The following CMIP variants were observed in gnomAD, a reference collection of about 807,000 sequenced individuals.
CMIP encodes C-Maf-inducing protein.
CMIP carries 13 observed loss-of-function variants against 97.3 expected under a neutral mutation model. The ratio of observed to expected loss-of-function variants is 0.13; its 90% CI spans 0.09 to 0.21. The LOEUF (loss-of-function observed/expected upper bound fraction) is 0.21. Among genes scored for constraint, CMIP ranks in the 10% least tolerant of loss-of-function variants. The probability of loss-of-function intolerance (pLI) is 1.00; values close to 1 mark genes in which losing one functional copy is unlikely to be tolerated. For synonymous variants in CMIP, 538 were observed against 436.3 expected, an observed-to-expected ratio of 1.23 and a Z score of -2.91; for missense variants, 847 against 1,024.9, an observed-to-expected ratio of 0.83 and a Z score of 2.37.
intron 13 of CMIP, among the ~76,000 whole-genome samples, chr16:81,695,283 A>T (rs1906584187): frequency 6.6e-6 from 1 of 152,156 alleles, no homozygotes; most frequent in Non-Finnish European, 1.5e-5. Context: ...TCTCCTTCCT[A>T]AATGAAGCCA....
intron 3 of CMIP, among the ~76,000 whole-genome samples, chr16:81,622,926 A>C (rs1423259049): frequency 6.6e-6 from 1 of 152,254 alleles, no homozygotes; most frequent in East Asian, 1.9e-4. Flanking sequence ...AGGATTGGCC[A>C]GGTGTGGTGG....
chr16:81,630,000 A>C (rs2092132150), intron 3 of CMIP, among the ~76,000 whole-genome samples: 1 of 152,166 alleles, frequency 6.6e-6, no homozygotes, highest in Non-Finnish European at 1.5e-5. Flanking sequence ...ACCACCTATT[A>C]CCTATTTGCT....
At chr16:81,586,301 A>G (rs1224372718) in intron 1 of CMIP, among the ~76,000 whole-genome samples, 1 of 152,192 alleles carries the variant, frequency 6.6e-6, no homozygotes, top group African/African-American at 2.4e-5. Context: ...TTACTGTAGT[A>G]GAGGCGTGAT....
intron 1 of CMIP, among the ~76,000 whole-genome samples, chr16:81,542,954 G>A (rs989870993): frequency 6.6e-6 from 1 of 152,240 alleles, no homozygotes; most frequent in Non-Finnish European, 1.5e-5. Context: ...GCAGTATGTA[G>A]CTTGACTTGT....
At chr16:81,460,891 C>G (rs1452919635) in intron 1 of CMIP, among the ~76,000 whole-genome samples, 4 of 152,166 alleles carry the variant, frequency 2.6e-5, no homozygotes, top group Admixed American at 2.0e-4. Context: ...CCACTGTGGC[C>G]TTGTTGTGAA....
At chr16:81,529,621 C>T (rs1004900568) in intron 1 of CMIP, among the ~76,000 whole-genome samples, 1 of 152,160 alleles carries the variant, frequency 6.6e-6, no homozygotes, top group African/African-American at 2.4e-5. Flanking sequence ...GGGAGGTTAC[C>T]CTGGATTATC....
rs1907424576 is a variant in CMIP, at chr16:81,701,690, A to G, written c.1786A>G (p.Ile596Val). 4 of 1,613,900 alleles carry G rather than the reference A, an allele frequency of 2.5e-6. No individual in the cohort carries two copies. Among genetic ancestry groups the G allele is most frequent in the Non-Finnish European group, 3.4e-6 (4 of 1,179,894 alleles). Residue 596 changes from isoleucine to valine, a missense_variant, in exon 16 of 21, where the codon ATC (isoleucine) becomes GTC (valine). Around this residue, in one of 4 missense-constraint regions of CMIP, gnomAD observed 266 missense variants for 384.2 expected, o/e 0.69. Coordinates refer to ENST00000537098, the MANE Select transcript of CMIP (RefSeq NM_198390.3). ...GTGCTTGATGCTGGAATACAACATC[A>G]TCGACAACAACGACACCCAACTGCA... ...ILCLMLEYNI[I>V]DNNDTQLQII...
In CMIP at chr16:81,446,382, A is replaced by G. The variant is rs572054928; in HGVS notation, c.300+841A>G. On this transcript the variant is annotated intron_variant, in intron 1 of 20. Transcript: ENST00000537098. Reference sequence around the variant, plus strand: ...ATCTGTTTCTGAAATCAGATCTGCAAATGGTGGCCTTCTTCGTACGTGGAG... The same window carrying G: ...ATCTGTTTCTGAAATCAGATCTGCAGATGGTGGCCTTCTTCGTACGTGGAG... Among the ~76,000 whole-genome samples the G allele has an allele frequency of 1.3e-3, 202 of 151,976 alleles. 2 individuals are homozygous for G. Among genetic ancestry groups the G allele is most frequent in the African/African-American group, 4.5e-3 (187 of 41,432 alleles).
At chr16:81,485,726 TG>T (rs2089304009) in intron 1 of CMIP, among the ~76,000 whole-genome samples, 1 of 152,268 alleles carries the variant, frequency 6.6e-6, no homozygotes, top group African/African-American at 2.4e-5. Context: ...TATTTAGTTA[TG>T]TGAGTACAAT....
chr16:81,555,717 A>C (rs934523384), intron 1 of CMIP, among the ~76,000 whole-genome samples: 1 of 152,330 alleles, frequency 6.6e-6, no homozygotes, highest in East Asian at 1.9e-4. Context: ...AAGCTAAATC[A>C]GGAAGGAGAA....
chr16:81,493,824 G>A lies in CMIP; in HGVS notation c.300+48283G>A, dbSNP rs77095358. 2.7e-3 allele frequency among the ~76,000 whole-genome samples: 405 copies of A among 152,316 alleles called. 3 individuals carry two copies. The highest frequency in any genetic ancestry group is 9.3e-3 in the African/African-American group (388 of 41,580). ...CACCTGCTGGCTCACACAGCAGCCG[G>A]GACCGGGATTGCAGGTGACCCACGT... is the stretch of plus-strand genomic sequence containing the variant. On this transcript the variant is annotated intron_variant, in intron 1 of 20. Coordinates refer to ENST00000537098, the MANE Select transcript of CMIP (RefSeq NM_198390.3).
rs1263505165 is a variant in CMIP at position 81,667,791 on chromosome 16, AGAGAGAGAGTGT to A, written c.826-2349_826-2338del. On this transcript the variant is annotated intron_variant, in intron 7 of 20. Transcript: ENST00000537098. ...AAGAGAGAGAGAGAGAGAGAGAGAG[AGAGAGAGAGTGT>A]GTGTGTGTGTGTGTGTGTGTGTGTG... Among the ~76,000 whole-genome samples the A allele has an allele frequency of 1.9e-3, 198 of 102,826 alleles. 1 individual carries two copies. The highest frequency in any genetic ancestry group is 6.0e-3 in the African/African-American group (176 of 29,268). The allele number at this position is 102,826 out of a possible 152,430, so 67.5% of individuals were successfully genotyped here. A position where few individuals can be genotyped will look rare whatever the true frequency, so the allele number is the denominator to read the frequency against.
intron 2 of CMIP, chr16:81,610,342 A>G: frequency 1.0e-6 from 1 of 985,558 alleles, no homozygotes; most frequent in Non-Finnish European, 1.2e-6. Context: ...GGGAGCCTCT[A>G]GCTGCTCCAG....
intron 1 of CMIP, among the ~76,000 whole-genome samples, chr16:81,489,944 T>C (rs2089379387): frequency 2.6e-5 from 4 of 152,250 alleles, no homozygotes; most frequent in Non-Finnish European, 5.9e-5. Context: ...AAAGACAGTT[T>C]TTTATGTGTT....
intron 1 of CMIP, among the ~76,000 whole-genome samples, chr16:81,549,911 T>A (rs890755542): frequency 1.3e-5 from 2 of 152,232 alleles, no homozygotes; most frequent in African/African-American, 4.8e-5. Flanking sequence ...TGCAGTGTGC[T>A]GTGTGTACAT....
At chr16:81,581,023 A>G (rs2150904991) in intron 1 of CMIP, among the ~76,000 whole-genome samples, 1 of 152,224 alleles carries the variant, frequency 6.6e-6, no homozygotes, top group Admixed American at 6.5e-5. Context: ...ACAATCACAC[A>G]GTACATGGTC....
intron 1 of CMIP, among the ~76,000 whole-genome samples, chr16:81,540,289 C>T (rs982793205): frequency 1.3e-5 from 2 of 152,156 alleles, no homozygotes; most frequent in East Asian, 3.8e-4. Context: ...CATCCTGTGC[C>T]GCCTCTGATC....
Position 81,710,213 on chromosome 16 carries a change from G to C in CMIP, c.*414G>C. ...AGGATGCTTTCTTCCTAGAGGCTCC[G>C]AGCTGAGCTGCGAACTCGCCCCCCG... On this transcript the variant is annotated 3_prime_UTR_variant, in exon 21 of 21. Transcript: ENST00000537098. 1 of 238,674 alleles carries C rather than the reference G, an allele frequency of 4.2e-6. No individual in the cohort carries two copies. The highest frequency in any genetic ancestry group is 5.7e-5 in the South Asian group (1 of 17,536). 14.8% of individuals were successfully genotyped at this position (238,674 alleles called of 1,614,324 possible). A position where few individuals can be genotyped will look rare whatever the true frequency, so the allele number is the denominator to read the frequency against.
chr16:81,594,676 C>T (rs745642841), intron 1 of CMIP, among the ~76,000 whole-genome samples: 3 of 151,904 alleles, frequency 2.0e-5, no homozygotes, highest in African/African-American at 4.8e-5. Context: ...TGCAGTGATG[C>T]GATCTCGGCT....
Sources: gnomAD v4.1 joint callset for allele counts (sites outside exome capture counted in the v4.1 genomes callset) on GRCh38, gnomAD v4.1.1 for gene constraint, gnomAD v4.1.1 regional missense constraint, MANE v1.5 for transcripts, NCBI Gene and HGNC (gene_info 2026-07-23, HGNC 2026-07-21) for gene names.